The following NEK1 variants were observed in gnomAD, a reference collection of about 807,000 sequenced individuals.
The protein encoded by NEK1 is serine/threonine-protein kinase Nek1.
In NEK1, 137 loss-of-function variants were observed where a neutral mutation model predicts 182.1. The observed-to-expected ratio is 0.75, with a 90% CI of 0.65 to 0.87. The LOEUF (loss-of-function observed/expected upper bound fraction) is 0.87. NEK1 is among the 40% of genes least tolerant of loss of function. NEK1 has a pLI of 0.00. For synonymous variants in NEK1, 513 were observed against 492.2 expected, an observed-to-expected ratio of 1.04 and a Z score of -0.56; for missense variants, 1,391 against 1,494.4, an observed-to-expected ratio of 0.93 and a Z score of 1.14.
chr4:169,543,045 G>T (rs1759727640), intron 18 of NEK1, among the ~76,000 whole-genome samples: 1 of 152,118 alleles, frequency 6.6e-6, no homozygotes, highest in Admixed American at 6.5e-5. Context: ...GGGTGTTTTA[G>T]TCATGAAGTC....
intron 7 of NEK1, among the ~76,000 whole-genome samples, chr4:169,588,950 A>C (rs1374743850): frequency 6.6e-6 from 1 of 152,162 alleles, no homozygotes; most frequent in Non-Finnish European, 1.5e-5. Flanking sequence ...CGAAGTGTAC[A>C]GTGTTTATAA....
At chr4:169,436,528 G>A (rs1351855407) in intron 28 of NEK1, among the ~76,000 whole-genome samples, 1 of 152,196 alleles carries the variant, frequency 6.6e-6, no homozygotes, top group Non-Finnish European at 1.5e-5. Context: ...TATCAAAGCA[G>A]AACATTCAAA....
rs1406824689 is a variant in NEK1 at position 169,612,538 on chromosome 4, G to A, written c.-489C>T. ...ACAACTGCTCGAGAGGCCAGGGTAGGGTAAGGACTCCGCAACCTAGGGTCC... is the reference window on the plus strand; with the variant it reads ...ACAACTGCTCGAGAGGCCAGGGTAGAGTAAGGACTCCGCAACCTAGGGTCC... On this transcript the variant is annotated 5_prime_UTR_variant, in exon 1 of 36. Transcript: ENST00000507142. 2.6e-5 allele frequency: 4 copies of A among 152,190 alleles called. No individual in the cohort carries two copies. In the East Asian group the frequency reaches 7.7e-4, roughly 29 times the overall value. 9.4% of individuals were successfully genotyped at this position (152,190 alleles called of 1,614,324 possible).
At chr4:169,452,428 A>G (rs1741990434) in intron 27 of NEK1, among the ~76,000 whole-genome samples, 1 of 152,208 alleles carries the variant, frequency 6.6e-6, no homozygotes. Context: ...AATACTGGCA[A>G]ACTGAATCCA....
intron 32 of NEK1, 60 bp downstream of exon 32, chr4:169,406,536 T>G: frequency 7.6e-7 from 1 of 1,308,666 alleles, no homozygotes; most frequent in South Asian, 1.7e-5. Context: ...TTATCCCCTC[T>G]TTTTTACATA....
intron 26 of NEK1, among the ~76,000 whole-genome samples, chr4:169,467,612 T>G (rs1745167024): frequency 6.6e-6 from 1 of 152,154 alleles, no homozygotes; most frequent in South Asian, 2.1e-4. Flanking sequence ...AGTCCCTGAC[T>G]TATGATGGTT....
intron 31 of NEK1, among the ~76,000 whole-genome samples, chr4:169,420,885 C>A (rs1735375737): frequency 6.6e-6 from 1 of 152,092 alleles, no homozygotes. Flanking sequence ...TTAATAATTA[C>A]ATTAAATGTA....
At chr4:169,610,759 T>C (rs1318784118) in intron 2 of NEK1, among the ~76,000 whole-genome samples, 1 of 152,240 alleles carries the variant, frequency 6.6e-6, no homozygotes, top group Non-Finnish European at 1.5e-5. Context: ...CATTAAGCTC[T>C]CATCAGGTGT....
At chr4:169,549,026 C>A (rs1001105075) in intron 18 of NEK1, among the ~76,000 whole-genome samples, 1 of 152,182 alleles carries the variant, frequency 6.6e-6, no homozygotes, top group African/African-American at 2.4e-5. Flanking sequence ...TGAAAAAAAA[C>A]TCCTTTGGCT....
Position 169,556,056 on chromosome 4 carries a change from A to G in NEK1, c.1306T>C (p.Ser436Pro), listed in dbSNP as rs1762120568. 1 of 1,613,574 alleles carries G rather than the reference A, an allele frequency of 6.2e-7. No individual in the cohort carries two copies. The highest frequency in any genetic ancestry group is 8.5e-7 in the Non-Finnish European group (1 of 1,179,694). Reference protein sequence around the residue: ...LGSGGTIAPSSFSSRGQYEHY... With the variant: ...LGSGGTIAPSPFSSRGQYEHY... ...TCATACTGTCCTCGAGAAGAAAAAG[A>G]TGATGGAGCTATAGTCCCTCCACTG... Residue 436 changes from serine to proline, a missense_variant, in exon 17 of 36, where the codon TCT (serine) becomes CCT (proline). Ser to Pro is a moderately conservative substitution (Grantham distance 74, BLOSUM62 -1). This residue lies in a region of NEK1 where 1,216 missense variants were observed against 1,277.6 expected (regional missense o/e 0.95). Transcript: ENST00000507142.
intron 27 of NEK1, among the ~76,000 whole-genome samples, chr4:169,457,319 A>C (rs772174526): frequency 3.9e-5 from 6 of 152,142 alleles, no homozygotes; most frequent in African/African-American, 9.7e-5. Context: ...TACCTCATGT[A>C]CCCAATAAAT....
At chr4:169,428,490 T>C (rs1417030265) in intron 29 of NEK1, among the ~76,000 whole-genome samples, 1 of 151,616 alleles carries the variant, frequency 6.6e-6, no homozygotes, top group Non-Finnish European at 1.5e-5. Context: ...CTATATACTA[T>C]ATGATTCTGT....
intron 4 of NEK1, among the ~76,000 whole-genome samples, chr4:169,601,662 C>G (rs970810653): frequency 6.6e-6 from 1 of 152,044 alleles, no homozygotes; most frequent in Non-Finnish European, 1.5e-5. Context: ...AATTCTTGCA[C>G]TTACTGCATT....
chr4:169,450,427 G>C (rs955966039), intron 27 of NEK1, among the ~76,000 whole-genome samples: 2 of 152,204 alleles, frequency 1.3e-5, no homozygotes, highest in Non-Finnish European at 2.9e-5. Context: ...GGCAGCCAGA[G>C]AGAAAGGTCG....
intron 19 of NEK1, among the ~76,000 whole-genome samples, chr4:169,524,936 C>T (rs1457103869): frequency 6.6e-6 from 1 of 152,104 alleles, no homozygotes; most frequent in Non-Finnish European, 1.5e-5. Context: ...ATGATAGAGA[C>T]CTTATGGCCA....
intron 2 of NEK1, among the ~76,000 whole-genome samples, chr4:169,605,136 C>T (rs551026262): frequency 1.4e-4 from 21 of 152,202 alleles, no homozygotes; most frequent in East Asian, 1.9e-4. Context: ...CATTATTCTG[C>T]GACTTTCTGC....
At chr4:169,415,234 C>T (rs1297924260) in intron 31 of NEK1, among the ~76,000 whole-genome samples, 1 of 152,204 alleles carries the variant, frequency 6.6e-6, no homozygotes, top group African/African-American at 2.4e-5. Flanking sequence ...AACTAACCTT[C>T]AGTGATCTCC....
chr4:169,508,906 T>C (rs1268801492), intron 19 of NEK1, 54 bp from the exon 20 acceptor site: 25 of 1,394,066 alleles, frequency 1.8e-5, no homozygotes, highest in Non-Finnish European at 1.2e-5. Context: ...TACATTATTA[T>C]CTTACCAAGG....
chr4:169,400,702 C>T lies in NEK1; in HGVS notation c.3584-51G>A, dbSNP rs375425326. 4.3e-4 allele frequency: 596 copies of T among 1,400,130 alleles called. 2 individuals are homozygous for T. The highest frequency in any genetic ancestry group is 5.3e-4 in the Non-Finnish European group (543 of 1,026,920). The allele number at this position is 1,400,130 out of a possible 1,614,324, so 86.7% of individuals were successfully genotyped here. ...TTTGATTTAAAAAGACTGAATAACT[C>T]ATACCCTAATAGACTAAAATTCTAT... On this transcript the variant is annotated intron_variant, in intron 33 of 35. Transcript: ENST00000507142.
Sources: allele counts gnomAD v4.1 joint callset (sites outside exome capture counted in the v4.1 genomes callset), GRCh38; gene constraint gnomAD v4.1.1; regional missense constraint gnomAD v4.1.1; transcripts MANE v1.5; gene names NCBI Gene and HGNC (gene_info 2026-07-23, HGNC 2026-07-21).